Variants in ADGRL2 observed in about 807,000 individuals in gnomAD.
The protein encoded by ADGRL2 is adhesion G protein-coupled receptor L2, also known as calcium-independent alpha-latrotoxin receptor 2.
In ADGRL2, 44 loss-of-function variants were observed where a neutral mutation model predicts 157.4. The ratio of observed to expected loss-of-function variants is 0.28; its 90% CI spans 0.22 to 0.36. The LOEUF is 0.36. Ranked by LOEUF, ADGRL2 falls within the 10% of genes least tolerant of loss-of-function variation. The probability of loss-of-function intolerance (pLI) is 1.00; values close to 1 mark genes in which losing one functional copy is unlikely to be tolerated. For missense variants in ADGRL2, 1,510 were observed against 1,768.9 expected, an observed-to-expected ratio of 0.85 and a Z score of 2.63; for synonymous variants, 585 against 624.7, an observed-to-expected ratio of 0.94 and a Z score of 0.95.
chr1:81,801,447 C>G (rs1490563632), intron 1 of ADGRL2, among the ~76,000 whole-genome samples: 1 of 152,224 alleles, frequency 6.6e-6, no homozygotes, highest in East Asian at 1.9e-4. Context: ...CTCTCACTCT[C>G]TCTCCGCTCA....
intron 2 of ADGRL2, chr1:81,505,872 T>C: frequency 2.9e-6 from 1 of 341,554 alleles, no homozygotes; most frequent in Non-Finnish European, 5.7e-6. Context: ...ATGGGATCAA[T>C]GTCATTACAC....
chr1:81,330,161 G>A (rs780956334), intron 1 of ADGRL2, among the ~76,000 whole-genome samples: 5 of 152,042 alleles, frequency 3.3e-5, no homozygotes, highest in Admixed American at 1.3e-4. Flanking sequence ...TCCTCACCAT[G>A]GTTAGCATCT....
chr1:81,706,146 T>TG (rs769199708), intron 1 of ADGRL2, among the ~76,000 whole-genome samples: 12 of 151,502 alleles, frequency 7.9e-5, no homozygotes, highest in Non-Finnish European at 1.5e-4. Flanking sequence ...TTGCAGTGAG[T>TG]GGGGATCACG....
intron 3 of ADGRL2, among the ~76,000 whole-genome samples, chr1:81,679,010 C>T (rs542371900): frequency 1.3e-5 from 2 of 152,240 alleles, no homozygotes; most frequent in South Asian, 4.1e-4. Flanking sequence ...TAGGTAGCCA[C>T]AGAATATGAG....
chr1:81,629,657 A>G (rs1011886187), intron 3 of ADGRL2, among the ~76,000 whole-genome samples: 13 of 138,618 alleles, frequency 9.4e-5, no homozygotes, highest in Non-Finnish European at 9.4e-5. Context: ...AAATGAATGA[A>G]TGAATGTATA....
intron 1 of ADGRL2, among the ~76,000 whole-genome samples, chr1:81,704,198 C>A (rs1379924593): frequency 1.1e-4 from 16 of 152,232 alleles, no homozygotes; most frequent in Admixed American, 1.0e-3. Flanking sequence ...CTCCTAAAAA[C>A]CAGTTAAATC....
intron 1 of ADGRL2, among the ~76,000 whole-genome samples, chr1:81,400,300 T>C (rs2076729567): frequency 1.3e-5 from 2 of 152,060 alleles, no homozygotes; most frequent in South Asian, 4.1e-4. Flanking sequence ...GTGTCAAGAC[T>C]CAGAGTCTGT....
intron 1 of ADGRL2, among the ~76,000 whole-genome samples, chr1:81,752,017 G>A (rs1468507242): frequency 6.6e-6 from 1 of 152,184 alleles, no homozygotes; most frequent in Non-Finnish European, 1.5e-5. Context: ...GCTATGGTCT[G>A]AATGTTTATG....
intron 3 of ADGRL2, among the ~76,000 whole-genome samples, chr1:81,620,351 C>G (rs1159316788): frequency 6.6e-6 from 1 of 152,042 alleles, no homozygotes; most frequent in African/African-American, 2.4e-5. Flanking sequence ...GTACAACTAG[C>G]ATATGAAGTA....
intron 1 of ADGRL2, among the ~76,000 whole-genome samples, chr1:81,431,833 C>T (rs2077327324): frequency 1.3e-5 from 2 of 152,144 alleles, no homozygotes; most frequent in African/African-American, 4.8e-5. Flanking sequence ...CCTTGCCCTG[C>T]TAATGGTTAA....
intron 3 of ADGRL2, among the ~76,000 whole-genome samples, chr1:81,907,581 C>G (rs530399636): frequency 6.6e-6 from 1 of 151,420 alleles, no homozygotes; most frequent in South Asian, 2.1e-4. Flanking sequence ...GTGCCTGGGT[C>G]TTTGGCATTA....
intron 1 of ADGRL2, among the ~76,000 whole-genome samples, chr1:81,340,865 T>C (rs1233356072): frequency 6.6e-6 from 1 of 151,472 alleles, no homozygotes; most frequent in Non-Finnish European, 1.5e-5. Flanking sequence ...TCAGACATTC[T>C]CTCATGGAAA....
rs1164087131 is a variant in ADGRL2 at position 81,616,679 on chromosome 1, C to CTTTT, written c.-143+35711_-143+35714dup. Among the ~76,000 whole-genome samples the CTTTT allele has an allele frequency of 6.4e-3, 681 of 105,934 alleles. 31 individuals are homozygous for CTTTT. The highest frequency in any genetic ancestry group is 0.023 in the African/African-American group (617 of 26,672). 69.5% of individuals were successfully genotyped at this position (105,934 alleles called of 152,430 possible). The stretch of plus-strand genomic sequence containing the variant: ...TTTTTCTTTTCTTTTCTTTTCTTTT[C>CTTTT]TTTTTTTTTTTTTTTGAGACAGGGT... On this transcript the variant is annotated intron_variant, in intron 3 of 24. Transcript: ENST00000370721.
intron 3 of ADGRL2, among the ~76,000 whole-genome samples, chr1:81,601,429 C>G (rs560116655): frequency 3.3e-5 from 5 of 152,226 alleles, no homozygotes; most frequent in African/African-American, 1.2e-4. Context: ...CTGATCTTAT[C>G]AATTTGGTGT....
chr1:81,859,516 C>T (rs1344459772), intron 2 of ADGRL2, among the ~76,000 whole-genome samples: 1 of 150,962 alleles, frequency 6.6e-6, no homozygotes, highest in Non-Finnish European at 1.5e-5. Context: ...AAGCAGTCCT[C>T]CCACCTCAGC....
intron 2 of ADGRL2, among the ~76,000 whole-genome samples, chr1:81,866,162 T>C (rs574889214): frequency 2.0e-5 from 3 of 152,190 alleles, no homozygotes; most frequent in Non-Finnish European, 4.4e-5. Context: ...TAAAACATGT[T>C]ACATTTTTTC....
At chr1:81,609,082 C>A (rs919695874) in intron 3 of ADGRL2, among the ~76,000 whole-genome samples, 2 of 151,600 alleles carry the variant, frequency 1.3e-5, no homozygotes, top group Non-Finnish European at 2.9e-5. Flanking sequence ...CTCTGTCACC[C>A]AGGTTAGAGT....
chr1:81,797,062 T>C (rs1349463424), upstream of ADGRL2, among the ~76,000 whole-genome samples: 4 of 152,186 alleles, frequency 2.6e-5, no homozygotes, highest in East Asian at 1.9e-4. Context: ...CTAGTTAAGT[T>C]TGGCATTCAT....
Position 81,643,238 on chromosome 1 carries a change from G to T in ADGRL2, c.-143+62258G>T, listed in dbSNP as rs149869959. 4.7e-3 allele frequency among the ~76,000 whole-genome samples: 718 copies of T among 152,294 alleles called. 7 individuals are homozygous for T. The highest frequency in any genetic ancestry group is 0.016 in the African/African-American group (676 of 41,566). ...GGGACTAATAAGTGATTATAGCAGG[G>T]TTGTGGGATACAAGGTTAACACACA... On this transcript the variant is annotated intron_variant, in intron 3 of 24. Coordinates refer to the ADGRL2 transcript ENST00000370721.
Sources: allele counts gnomAD v4.1 joint callset (sites outside exome capture counted in the v4.1 genomes callset), GRCh38; gene constraint gnomAD v4.1.1; transcripts MANE v1.5; gene names NCBI Gene and HGNC (gene_info 2026-07-23, HGNC 2026-07-21).